REDIC1: variants seen among roughly 807,000 people sequenced by gnomAD.
REDIC1 encodes regulator of DNA class I crossover intermediates 1.
chr12:39,662,075 A>G, the REDIC1 span, among the ~76,000 whole-genome samples: 9 of 152,094 alleles, frequency 5.9e-5, no homozygotes, highest in Non-Finnish European at 1.2e-4. Flanking sequence ...GAAGTTGGGT[A>G]GTGTGATGCC....
chr12:39,817,560 C>A, the REDIC1 span, among the ~76,000 whole-genome samples: 3 of 152,158 alleles, frequency 2.0e-5, no homozygotes, highest in African/African-American at 7.2e-5. Flanking sequence ...AGAAAGGCAA[C>A]TGATGGCAGC....
At chr12:39,713,711 GTA>G in the REDIC1 span, among the ~76,000 whole-genome samples, 1 of 144,956 alleles carries the variant, frequency 6.9e-6, no homozygotes, top group African/African-American at 2.7e-5. Flanking sequence ...ACATATTTAT[GTA>G]TGCCTGTATA....
chr12:39,662,768 T>C, the REDIC1 span, among the ~76,000 whole-genome samples: 1 of 152,140 alleles, frequency 6.6e-6, no homozygotes, highest in Non-Finnish European at 1.5e-5. Context: ...GGGCTTGTCA[T>C]AGATGACCTT....
chr12:39,646,341 A>C, the REDIC1 span: 1 of 1,304,994 alleles, frequency 7.7e-7, no homozygotes, highest in Non-Finnish European at 1.0e-6. Flanking sequence ...ACTGTGAGAA[A>C]ACCAACCCAT....
chr12:39,832,223 A>C, the REDIC1 span, among the ~76,000 whole-genome samples: 1 of 152,160 alleles, frequency 6.6e-6, no homozygotes, highest in Non-Finnish European at 1.5e-5. Flanking sequence ...GGCTTTGAGA[A>C]CCAGACTAGG....
the REDIC1 span, among the ~76,000 whole-genome samples, chr12:39,903,457 C>G: frequency 1.3e-5 from 2 of 152,070 alleles, no homozygotes; most frequent in Non-Finnish European, 2.9e-5. Context: ...CCCCCAGTAT[C>G]TCTTTACTCA....
the REDIC1 span, chr12:39,691,907 G>C: frequency 2.9e-6 from 2 of 683,098 alleles, no homozygotes; most frequent in Non-Finnish European, 4.3e-6. Context: ...ATTTTTCTTT[G>C]TGGTTTAAAA....
chr12:39,712,874 C>CATATATGCATATACGTGTATAT, the REDIC1 span, among the ~76,000 whole-genome samples: 41 of 142,162 alleles, frequency 2.9e-4, no homozygotes, highest in African/African-American at 7.5e-4. Context: ...CACGTATATA[C>CATATATGCATATACGTGTATAT]ACGTATATAC....
At chr12:39,827,149 T>TC in the REDIC1 span, among the ~76,000 whole-genome samples, 3 of 151,904 alleles carry the variant, frequency 2.0e-5, no homozygotes, top group African/African-American at 7.3e-5. Context: ...CTAACATGCC[T>TC]CTATGGATGT....
At chr12:39,750,994 A>G in the REDIC1 span, among the ~76,000 whole-genome samples, 1 of 152,192 alleles carries the variant, frequency 6.6e-6, no homozygotes, top group African/African-American at 2.4e-5. Context: ...TTCAGGACAT[A>G]GGCATGGGCA....
the REDIC1 span, among the ~76,000 whole-genome samples, chr12:39,655,444 A>T: frequency 6.6e-6 from 1 of 152,148 alleles, no homozygotes; most frequent in Non-Finnish European, 1.5e-5. Context: ...TCAGCCAAGG[A>T]TGAGTAGATA....
the REDIC1 span, among the ~76,000 whole-genome samples, chr12:39,865,347 GT>G: frequency 1.3e-5 from 2 of 152,150 alleles, no homozygotes; most frequent in Non-Finnish European, 1.5e-5. Context: ...AACCTTTTTA[GT>G]TTAACAAATG....
the REDIC1 span, among the ~76,000 whole-genome samples, chr12:39,711,423 A>C: frequency 2.4e-5 from 3 of 122,494 alleles, no homozygotes; most frequent in African/African-American, 5.8e-5. Flanking sequence ...ATATGTACTT[A>C]TGTGTATATG....
the REDIC1 span, chr12:39,720,644 C>A: frequency 1.4e-6 from 1 of 692,962 alleles, no homozygotes; most frequent in South Asian, 1.9e-5. Context: ...GATATACCTG[C>A]TTTGATTTGT....
chr12:39,746,986 CAGAAAAGCT>C, the REDIC1 span, among the ~76,000 whole-genome samples: 1 of 152,178 alleles, frequency 6.6e-6, no homozygotes. Context: ...AAAAACAAAG[CAGAAAAGCT>C]GAAAATTCTA....
At chr12:39,809,522 A>G in the REDIC1 span, among the ~76,000 whole-genome samples, 14 of 152,282 alleles carry the variant, frequency 9.2e-5, no homozygotes, top group South Asian at 1.5e-3. Context: ...AATTATTATT[A>G]TACTTTAAGT....
the REDIC1 span, among the ~76,000 whole-genome samples, chr12:39,896,645 AAAAC>A: frequency 6.6e-6 from 1 of 151,716 alleles, no homozygotes; most frequent in African/African-American, 2.4e-5. Context: ...CTTCTGGAAG[AAAAC>A]AACACTGCTC....
the REDIC1 span, among the ~76,000 whole-genome samples, chr12:39,890,332 A>G: frequency 6.6e-6 from 1 of 152,238 alleles, no homozygotes; most frequent in Non-Finnish European, 1.5e-5. Flanking sequence ...GAAAAAAAAT[A>G]CATTGTGGCA....
chr12:39,687,126 A>C, the REDIC1 span, among the ~76,000 whole-genome samples: 2 of 152,088 alleles, frequency 1.3e-5, no homozygotes, highest in African/African-American at 2.4e-5. Context: ...GTCTTTACGA[A>C]GTTCCAAACT....
Sources: allele counts gnomAD v4.1 joint callset (sites outside exome capture counted in the v4.1 genomes callset), GRCh38; gene constraint gnomAD v4.1.1; transcripts MANE v1.5; gene names NCBI Gene and HGNC (gene_info 2026-07-23, HGNC 2026-07-21).